Variants in TAMM41 observed in about 807,000 individuals in gnomAD.
TAMM41 encodes the protein TAM41 mitochondrial translocator assembly and maintenance homolog, also known as phosphatidate cytidylyltransferase, mitochondrial.
A neutral mutation model predicts 44.1 loss-of-function variants in TAMM41; 36 were observed. That is an observed-to-expected ratio of 0.82 (90% confidence interval 0.63 to 1.08). The LOEUF (loss-of-function observed/expected upper bound fraction) is 1.08, where lower values mean the gene tolerates loss of function less well. TAMM41 is among the 50% of genes least tolerant of loss of function. The probability of loss-of-function intolerance (pLI) is 0.00; values close to 1 mark genes in which losing one functional copy is unlikely to be tolerated. For synonymous variants in TAMM41, 164 were observed against 153.1 expected, an observed-to-expected ratio of 1.07 and a Z score of -0.53; for missense variants, 417 against 404.3, an observed-to-expected ratio of 1.03 and a Z score of -0.27.
rs2125070085 is a variant in TAMM41 at position 11,843,818 on chromosome 3, G to A, written c.318+211C>T. On this transcript the variant is annotated intron_variant, in intron 2 of 7. Coordinates refer to ENST00000455809, the MANE Select transcript of TAMM41 (RefSeq NM_001284401.2). ...GAGGAAGGACTCCAGTCCCTGCTCT[G>A]TCCCCAAGTTCAAGACGTCTGGCAG... 7.2e-6 allele frequency: 4 copies of A among 559,438 alleles called. No individual in the cohort carries two copies. The East Asian group carries it at 1.2e-4, about 16-fold the overall frequency. 34.7% of individuals were successfully genotyped at this position (559,438 alleles called of 1,614,324 possible).
chr3:11,776,409 T>C, the TAMM41 span, among the ~76,000 whole-genome samples: 3 of 152,162 alleles, frequency 2.0e-5, no homozygotes, highest in Non-Finnish European at 4.4e-5. Context: ...TGCTTCGGCC[T>C]CCAAAGTAGG....
In TAMM41 at chr3:11,817,270, G is replaced by A; in HGVS notation, c.630C>T (p.Ala210=). 1 of 1,613,266 alleles carries A rather than the reference G, an allele frequency of 6.2e-7. No homozygotes were observed. Among genetic ancestry groups the A allele is most frequent in the Non-Finnish European group, 8.5e-7 (1 of 1,179,370 alleles). Reference sequence around the variant, plus strand: ...TGCTGCCATAGAGCTCTCGAAAGTGGGCTATATTGGGCTTCACAATATTCA... The same window carrying A: ...TGCTGCCATAGAGCTCTCGAAAGTGAGCTATATTGGGCTTCACAATATTCA... The part of the protein sequence containing the change: ...KVLNIVKPNI[A]HFRELYGSIL... Residue 210 remains alanine (A), a synonymous_variant, in exon 5 of 8, where the codon GCC becomes GCT. Transcript: ENST00000455809.
the TAMM41 span, among the ~76,000 whole-genome samples, chr3:11,732,580 C>T: frequency 6.6e-6 from 1 of 152,098 alleles, no homozygotes; most frequent in Non-Finnish European, 1.5e-5. Flanking sequence ...AAAATAATGG[C>T]AAGTGCTATG....
At chr3:11,833,449 A>T (rs1294020586) in intron 3 of TAMM41, among the ~76,000 whole-genome samples, 1 of 152,218 alleles carries the variant, frequency 6.6e-6, no homozygotes, top group Admixed American at 6.5e-5. Flanking sequence ...TACTGTTCAA[A>T]TACTCAACCG....
the TAMM41 span, among the ~76,000 whole-genome samples, chr3:11,722,770 T>A: frequency 2.4e-3 from 363 of 151,834 alleles, 13 homozygotes; most frequent in Admixed American, 0.022. Flanking sequence ...GGAGTTCAAG[T>A]CCAGGCTGGC....
intron 3 of TAMM41, chr3:11,833,280 G>A (rs903946828): frequency 1.4e-5 from 9 of 647,078 alleles, no homozygotes; most frequent in African/African-American, 7.9e-5. Flanking sequence ...GTAGAGAAAG[G>A]GGCATTGGCT....
At chr3:11,726,291 T>G in the TAMM41 span, among the ~76,000 whole-genome samples, 2 of 152,252 alleles carry the variant, frequency 1.3e-5, no homozygotes, top group Non-Finnish European at 2.9e-5. Flanking sequence ...CACACTCCTC[T>G]CTAGGTGACA....
chr3:11,746,859 C>T, the TAMM41 span, among the ~76,000 whole-genome samples: 1 of 151,714 alleles, frequency 6.6e-6, no homozygotes, highest in East Asian at 1.9e-4. Flanking sequence ...TGCTCTCAAA[C>T]CCCTGGGCTC....
At chr3:11,826,381 T>G (rs930785501) in intron 4 of TAMM41, among the ~76,000 whole-genome samples, 1 of 151,902 alleles carries the variant, frequency 6.6e-6, no homozygotes, top group African/African-American at 2.4e-5. Context: ...CAAACGAAAT[T>G]AGCCAGCCGT....
At chr3:11,799,895 T>C (rs371789883) in intron 7 of TAMM41, among the ~76,000 whole-genome samples, 2 of 152,204 alleles carry the variant, frequency 1.3e-5, no homozygotes, top group Non-Finnish European at 2.9e-5. Flanking sequence ...ACAGTGGACT[T>C]TTCAGCAGAA....
At chr3:11,788,430 C>G (rs1196189873), downstream of TAMM41, among the ~76,000 whole-genome samples, 1 of 152,072 alleles carries the variant, frequency 6.6e-6, no homozygotes, top group Non-Finnish European at 1.5e-5. Context: ...GGACCACAGG[C>G]ATGTGCCACC....
Position 11,823,456 on chromosome 3 carries a change from C to T in TAMM41, c.563-6119G>A, listed in dbSNP as rs548276987. Among the ~76,000 whole-genome samples, 4 of 151,770 alleles carry T rather than the reference C, an allele frequency of 2.6e-5. No individual in the cohort carries two copies. In the East Asian group the frequency reaches 7.8e-4, roughly 30 times the overall value. On this transcript the variant is annotated intron_variant, in intron 4 of 7. Coordinates refer to ENST00000455809, the MANE Select transcript of TAMM41 (RefSeq NM_001284401.2). ...ATTTTCAGTAGAGACAGGGTTTCACCATGTTGGCCAGACTGGTCTTGAACC... is the reference window on the plus strand; with the variant it reads ...ATTTTCAGTAGAGACAGGGTTTCACTATGTTGGCCAGACTGGTCTTGAACC...
rs751164359 is a variant in TAMM41, at chr3:11,809,682, T to C, written c.709A>G (p.Ile237Val). The change falls in exon 6 of 8, where the codon ATA becomes GTA. Residue 237 changes from isoleucine to valine, a missense_variant and splice_region_variant. Physicochemically the swap from Ile to Val is conservative, Grantham distance 29. Coordinates refer to ENST00000455809, the MANE Select transcript of TAMM41 (RefSeq NM_001284401.2). ...VYKSQQGWLE[I>V]DKSPEGQFTQ... ...AACTGTCCTTCTGGGCTTTTATCTA[T>C]CTGAAGGGAGGAAAAAAAAGACGAC... The C allele has an allele frequency of 3.1e-6, 5 of 1,598,604 alleles. No homozygotes were observed. Among genetic ancestry groups the C allele is most frequent in the South Asian group, 1.1e-5 (1 of 87,436 alleles).
the TAMM41 span, among the ~76,000 whole-genome samples, chr3:11,771,731 C>T: frequency 6.0e-5 from 9 of 150,726 alleles, no homozygotes; most frequent in South Asian, 2.1e-4. Flanking sequence ...TACAGGCGCC[C>T]GCCACCACGC....
the TAMM41 span, among the ~76,000 whole-genome samples, chr3:11,745,468 T>C: frequency 6.6e-6 from 1 of 152,228 alleles, no homozygotes; most frequent in Admixed American, 6.5e-5. Flanking sequence ...AACTGATCTA[T>C]GCATACCACG....
intron 5 of TAMM41, among the ~76,000 whole-genome samples, chr3:11,815,195 G>A (rs981867071): frequency 6.6e-6 from 1 of 152,078 alleles, no homozygotes; most frequent in Non-Finnish European, 1.5e-5. Context: ...TAATATCAGA[G>A]TATAAACCGT....
the TAMM41 span, among the ~76,000 whole-genome samples, chr3:11,746,006 A>C: frequency 6.6e-6 from 1 of 152,190 alleles, no homozygotes; most frequent in African/African-American, 2.4e-5. Flanking sequence ...TTTTATAAAC[A>C]TTTAAAAATT....
At chr3:11,753,980 G>A in the TAMM41 span, among the ~76,000 whole-genome samples, 3 of 151,882 alleles carry the variant, frequency 2.0e-5, no homozygotes, top group Non-Finnish European at 4.4e-5. Context: ...GGGCGGCCTC[G>A]TGTTCTCCTC....
chr3:11,739,596 C>T, the TAMM41 span, among the ~76,000 whole-genome samples: 6,490 of 144,636 alleles, frequency 0.045, 439 homozygotes, highest in African/African-American at 0.15. Context: ...TGCTTGGACC[C>T]GGGAGGTGGA....
Sources: gnomAD v4.1 joint callset for allele counts (sites outside exome capture counted in the v4.1 genomes callset) on GRCh38, gnomAD v4.1.1 for gene constraint, MANE v1.5 for transcripts, NCBI Gene and HGNC (gene_info 2026-07-23, HGNC 2026-07-21) for gene names.